SLBP: variants seen among roughly 807,000 people sequenced by gnomAD.
SLBP encodes histone RNA hairpin-binding protein.
In SLBP, 29 loss-of-function variants were observed where a neutral mutation model predicts 39.2. The observed-to-expected ratio is 0.74, with a 90% CI of 0.55 to 1.01. The LOEUF is 1.01. SLBP is among the 50% of genes least tolerant of loss of function. SLBP has a pLI of 0.00. For missense variants in SLBP, 390 were observed against 350.2 expected, an observed-to-expected ratio of 1.11 and a Z score of -0.91; for synonymous variants, 129 against 118.7, an observed-to-expected ratio of 1.09 and a Z score of -0.57.
intron 6 of SLBP, among the ~76,000 whole-genome samples, chr4:1,695,948 A>C (rs1716089716): frequency 6.6e-6 from 1 of 152,220 alleles, no homozygotes; most frequent in South Asian, 2.1e-4. Flanking sequence ...CAAAAACAGC[A>C]AAACAACAAA....
In SLBP at chr4:1,712,216, G is replaced by T; in HGVS notation, c.-28C>A. On this transcript the variant is annotated 5_prime_UTR_variant, in exon 1 of 8. It adds an upstream start codon to the 5' untranslated region. Coordinates refer to ENST00000489418, the MANE Select transcript of SLBP (RefSeq NM_006527.4). ...CAGCACGGGCCGGGCGCGCAGCGCA[G>T]GGCCGAGGCTGAGGCGGCGGCGGCG... is the stretch of plus-strand genomic sequence containing the variant. The T allele has an allele frequency of 8.0e-7, 1 of 1,250,274 alleles. No homozygotes were observed. Among genetic ancestry groups the T allele is most frequent in the South Asian group, 2.4e-5 (1 of 40,834 alleles). The allele number at this position is 1,250,274 out of a possible 1,614,324, so 77.4% of individuals were successfully genotyped here.
intron 5 of SLBP, among the ~76,000 whole-genome samples, chr4:1,698,678 G>A (rs1716214789): frequency 6.6e-6 from 1 of 151,846 alleles, no homozygotes; most frequent in African/African-American, 2.4e-5. Context: ...TAGAGACGGG[G>A]TTCCACCGTG....
At chr4:1,703,247 A>AG (rs1716395552) in intron 3 of SLBP, among the ~76,000 whole-genome samples, 33 of 145,156 alleles carry the variant, frequency 2.3e-4, no homozygotes, top group Admixed American at 7.0e-5. Flanking sequence ...AAAAAAAAAA[A>AG]AAAAAAGAAA....
Position 1,700,005 on chromosome 4 carries a change from C to G in SLBP, c.341+6G>C. On this transcript the variant is annotated splice_donor_region_variant and intron_variant, in intron 4 of 7. Coordinates refer to ENST00000489418, the MANE Select transcript of SLBP (RefSeq NM_006527.4). Reference sequence around the variant, plus strand: ...ATTAGAAAAGAAACATTTACACAGCCTTTACCTTCCTGATGATGATTTTCT... The same window carrying G: ...ATTAGAAAAGAAACATTTACACAGCGTTTACCTTCCTGATGATGATTTTCT... 1.3e-6 allele frequency: 2 copies of G among 1,585,930 alleles called. No individual in the cohort carries two copies. The highest frequency in any genetic ancestry group is 1.7e-6 in the Non-Finnish European group (2 of 1,161,898).
In SLBP at chr4:1,693,292, C is replaced by A; in HGVS notation, c.*305G>T. On this transcript the variant is annotated 3_prime_UTR_variant, in exon 8 of 8. Coordinates refer to ENST00000489418, the MANE Select transcript of SLBP (RefSeq NM_006527.4). ...ATAACTGAAGATGCCTGTGGAAAACCAGTTATGTAGACGTGTCAGCTTACC... is the reference window on the plus strand; with the variant it reads ...ATAACTGAAGATGCCTGTGGAAAACAAGTTATGTAGACGTGTCAGCTTACC... 1 of 246,076 alleles carries A rather than the reference C, an allele frequency of 4.1e-6. No individual in the cohort carries two copies. Among genetic ancestry groups the A allele is most frequent in the African/African-American group, 2.2e-5 (1 of 44,638 alleles). 15.2% of individuals were successfully genotyped at this position (246,076 alleles called of 1,614,324 possible). A position where few individuals can be genotyped will look rare whatever the true frequency, so the allele number is the denominator to read the frequency against.
intron 3 of SLBP, among the ~76,000 whole-genome samples, chr4:1,702,091 G>C (rs973973139): frequency 2.0e-5 from 3 of 152,206 alleles, no homozygotes; most frequent in Non-Finnish European, 4.4e-5. Context: ...GCATGAATAA[G>C]AGCTGCAGAT....
At position 1,692,947 on chromosome 4, in the gene SLBP, A is replaced by C. The variant is rs1715971635; in HGVS notation, c.*650T>G. The C allele has an allele frequency of 6.6e-6, 1 of 152,656 alleles. No homozygotes were observed. The highest frequency in any genetic ancestry group is 6.5e-5 in the Admixed American group (1 of 15,288). The allele number at this position is 152,656 out of a possible 1,614,324, so 9.5% of individuals were successfully genotyped here. The stretch of plus-strand genomic sequence containing the variant: ...GCAATTTTACATGGTAAATTAACTG[A>C]TTGTTTTAAAATGTTCTTTCTAAAT... On this transcript the variant is annotated 3_prime_UTR_variant, in exon 8 of 8. Transcript: ENST00000489418.
At chr4:1,697,324 C>G (rs899270434) in intron 5 of SLBP, among the ~76,000 whole-genome samples, 4 of 151,242 alleles carry the variant, frequency 2.6e-5, no homozygotes, top group Non-Finnish European at 5.9e-5. Context: ...AAAAAACTAG[C>G]CAGGCGTGGT....
chr4:1,706,443 C>A (rs923407702), intron 2 of SLBP, among the ~76,000 whole-genome samples: 3 of 152,202 alleles, frequency 2.0e-5, no homozygotes, highest in Non-Finnish European at 2.9e-5. Context: ...CAAAGTACCC[C>A]CTGTGCTTGA....
rs150087819 is a variant in SLBP, at chr4:1,706,217, C to T, written c.177-2517G>A. ...AGGAGAACTGCTTGAACCCCAGAGA[C>T]GGAGGTTGCAGTGAGCCGAAATTGC... On this transcript the variant is annotated intron_variant, in intron 2 of 7. Coordinates refer to ENST00000489418, the MANE Select transcript of SLBP (RefSeq NM_006527.4). Among the ~76,000 whole-genome samples the T allele has an allele frequency of 5.6e-3, 847 of 151,826 alleles. 15 individuals are homozygous for T. Among genetic ancestry groups the T allele is most frequent in the African/African-American group, 0.019 (802 of 41,406 alleles).
intron 2 of SLBP, among the ~76,000 whole-genome samples, chr4:1,709,575 C>T (rs190026796): frequency 2.0e-5 from 3 of 152,182 alleles, no homozygotes; most frequent in African/African-American, 7.2e-5. Context: ...CCTATGACGC[C>T]TGCCTCCCTT....
rs747938354 is a variant in SLBP at position 1,700,062 on chromosome 4, C to G, written c.290G>C (p.Arg97Thr). 1 of 1,595,382 alleles carries G rather than the reference C, an allele frequency of 6.3e-7. No homozygotes were observed. Reference protein sequence around the residue: ...RVNKEMARYKRKLLINDFGRE... With the variant: ...RVNKEMARYKTKLLINDFGRE... ...TCCAAAGTCATTGATGAGGAGTTTC[C>G]TTTTATATCTGAGGGCAAAATAAAT... Residue 97 changes from arginine (R) to threonine (T), a missense_variant, in exon 4 of 8, where the codon AGG (arginine) becomes ACG (threonine). Coordinates refer to ENST00000489418, the MANE Select transcript of SLBP (RefSeq NM_006527.4).
intron 3 of SLBP, 131 bp downstream of exon 3, chr4:1,703,464 TC>T (rs1019632630): frequency 9.0e-5 from 59 of 657,338 alleles, no homozygotes; most frequent in Non-Finnish European, 1.4e-4. Flanking sequence ...TCTAACAAGT[TC>T]CCAGGAAATG....
chr4:1,694,377 G>A lies in SLBP; in HGVS notation c.696+397C>T, dbSNP rs141708950. Among the ~76,000 whole-genome samples the A allele has an allele frequency of 9.6e-3, 1,391 of 144,916 alleles. 20 individuals are homozygous for A. Among genetic ancestry groups the A allele is most frequent in the African/African-American group, 0.034 (1,350 of 39,136 alleles). ...GGATCACAGGCGTGAGCCACCACGCGCAGCACATGGTTTTCTTTCTTTTTT... is the reference window on the plus strand; with the variant it reads ...GGATCACAGGCGTGAGCCACCACGCACAGCACATGGTTTTCTTTCTTTTTT... On this transcript the variant is annotated intron_variant, in intron 7 of 7. Coordinates refer to ENST00000489418, the MANE Select transcript of SLBP (RefSeq NM_006527.4).
In SLBP at chr4:1,712,160, C is replaced by G. The variant is rs1010348685; in HGVS notation, c.29G>C (p.Arg10Thr). Reference protein sequence around the residue: MACRPRSPPRHQSRCDGDAS... With the variant: MACRPRSPPTHQSRCDGDAS... ...GTCACCGTCGCAGCGGCTCTGATGC[C>G]TCGGCGGGCTTCGCGGGCGGCAGGC... Residue 10 changes from arginine (R) to threonine (T), a missense_variant, in exon 1 of 8, where the codon AGG becomes ACG. Transcript: ENST00000489418. 7 of 1,235,350 alleles carry G rather than the reference C, an allele frequency of 5.7e-6. No homozygotes were observed. The highest frequency in any genetic ancestry group is 6.0e-6 in the Non-Finnish European group (6 of 992,264). The allele number at this position is 1,235,350 out of a possible 1,614,324, so 76.5% of individuals were successfully genotyped here.
intron 2 of SLBP, 94 bp downstream of exon 2, chr4:1,711,780 C>A (rs1163089400): frequency 4.8e-6 from 3 of 626,576 alleles, no homozygotes; most frequent in East Asian, 3.5e-5. Flanking sequence ...CCGACCTGAC[C>A]GATCCCGGCA....
intron 6 of SLBP, among the ~76,000 whole-genome samples, chr4:1,695,652 G>A (rs553643260): frequency 2.0e-5 from 3 of 151,874 alleles, no homozygotes; most frequent in Admixed American, 1.3e-4. Context: ...GTGGTGGCGC[G>A]TGCCTGTAAT....
rs1716338559 is a variant in SLBP at position 1,701,750 on chromosome 4, T to C, written c.282-1680A>G. 3.9e-5 allele frequency among the ~76,000 whole-genome samples: 6 copies of C among 152,036 alleles called. No homozygotes were observed. In the South Asian group the frequency reaches 1.2e-3, roughly 32 times the overall value. ...GGTGAAACCTAGCCTCTACTAAAAATACAAAAATTAGCCGGACGTGGTGGC... is the reference window on the plus strand; with the variant it reads ...GGTGAAACCTAGCCTCTACTAAAAACACAAAAATTAGCCGGACGTGGTGGC... On this transcript the variant is annotated intron_variant, in intron 3 of 7. Transcript: ENST00000489418.
chr4:1,712,068 C>A, intron 1 of SLBP, 62 bp downstream of exon 1: 2 of 1,233,348 alleles, frequency 1.6e-6, no homozygotes, highest in Non-Finnish European at 2.0e-6. Flanking sequence ...ACACCCCGGC[C>A]CCGCACAACC....
Sources: allele counts gnomAD v4.1 joint callset (sites outside exome capture counted in the v4.1 genomes callset), GRCh38; gene constraint gnomAD v4.1.1; transcripts MANE v1.5; gene names NCBI Gene and HGNC (gene_info 2026-07-23, HGNC 2026-07-21).